The following GPRC5B variants were observed in gnomAD, a reference collection of about 807,000 sequenced individuals.
The protein encoded by GPRC5B is G protein-coupled receptor family C group 5 member B.
Under a neutral mutation model 30.1 loss-of-function variants are expected in GPRC5B, and 16 were observed. The ratio of observed to expected loss-of-function variants is 0.53; its 90% CI spans 0.36 to 0.81. The LOEUF (loss-of-function observed/expected upper bound fraction) is 0.81. Among genes scored for constraint, GPRC5B ranks in the 30% least tolerant of loss-of-function variants. The pLI, the probability that GPRC5B is intolerant of heterozygous loss-of-function variation, is 0.01. For missense variants in GPRC5B, 428 were observed against 544.7 expected, an observed-to-expected ratio of 0.79 and a Z score of 2.13; for synonymous variants, 241 against 239.5, an observed-to-expected ratio of 1.01 and a Z score of -0.06.
intron 2 of GPRC5B, among the ~76,000 whole-genome samples, chr16:19,865,281 C>A (rs1456661153): frequency 6.6e-6 from 1 of 152,216 alleles, no homozygotes; most frequent in Admixed American, 6.5e-5. Context: ...TCTGACAACA[C>A]CCAAGGTTGC....
chr16:19,879,767 G>A (rs534121547), intron 1 of GPRC5B, among the ~76,000 whole-genome samples: 11 of 152,120 alleles, frequency 7.2e-5, no homozygotes, highest in Non-Finnish European at 1.2e-4. Context: ...ATGGGGTTGC[G>A]GTGACGGTTA....
At chr16:19,884,596 C>T (rs2056836509) in intron 1 of GPRC5B, 131 bp downstream of exon 1, 2 of 659,848 alleles carry the variant, frequency 3.0e-6, no homozygotes, top group Admixed American at 6.4e-5. Context: ...CAATAAACTC[C>T]CTGGCTTGGG....
At chr16:19,879,009 C>T (rs2056782421) in intron 1 of GPRC5B, among the ~76,000 whole-genome samples, 1 of 152,110 alleles carries the variant, frequency 6.6e-6, no homozygotes, top group African/African-American at 2.4e-5. Flanking sequence ...GCAGCGAGAG[C>T]CGGAACTCAG....
At chr16:19,868,073 C>T (rs1350685934) in intron 2 of GPRC5B, among the ~76,000 whole-genome samples, 1 of 150,206 alleles carries the variant, frequency 6.7e-6, no homozygotes, top group Non-Finnish European at 1.5e-5. Flanking sequence ...TCTAGAAAAA[C>T]AAAACAAAAC....
rs1268166198 is a variant in GPRC5B at position 19,871,955 on chromosome 16, C to T, written c.891G>A (p.Leu297=). 1 of 1,614,062 alleles carries T rather than the reference C, an allele frequency of 6.2e-7. No individual in the cohort carries two copies. ...TGGGCGTGTTCTCCTGCAGGGCTGG[C>T]AGAAGGGTGCAGTGGATCTCAGGGA... ...HAIPEIHCTL[L]PALQENTPNY... is the part of the protein sequence containing the mutation. The change falls in exon 2 of 4, where the codon CTG becomes CTA. Residue 297 remains leucine, a synonymous_variant. Transcript: ENST00000300571.
intron 2 of GPRC5B, among the ~76,000 whole-genome samples, chr16:19,865,238 G>C (rs28501284): frequency 0.025 from 3,790 of 152,070 alleles, 135 homozygotes; most frequent in African/African-American, 0.087. Context: ...CACACATTTG[G>C]GATGATTCAA....
In GPRC5B at chr16:19,858,232, C is replaced by A. The variant is rs1315250793; in HGVS notation, c.*2268G>T. 2 of 364,182 alleles carry A rather than the reference C, an allele frequency of 5.5e-6. No homozygotes were observed. Among genetic ancestry groups the A allele is most frequent in the Middle Eastern group, 1.4e-3 (2 of 1,454 alleles). The allele number at this position is 364,182 out of a possible 1,614,324, so 22.6% of individuals were successfully genotyped here. Reference sequence around the variant, plus strand: ...TCCCTTCTCCTCTCACTCCCGCCTCCGCCCCCATTATGAAGGCGTTCAGCC... The same window carrying A: ...TCCCTTCTCCTCTCACTCCCGCCTCAGCCCCCATTATGAAGGCGTTCAGCC... On this transcript the variant is annotated 3_prime_UTR_variant, in exon 4 of 4. Transcript: ENST00000300571.
Position 19,871,816 on chromosome 16 carries a change from C to G in GPRC5B, c.1030G>C (p.Ala344Pro), listed in dbSNP as rs1189848608. The G allele has an allele frequency of 1.6e-5, 26 of 1,610,376 alleles. No homozygotes were observed. The highest frequency in any genetic ancestry group is 2.0e-5 in the Non-Finnish European group (24 of 1,177,120). ...CCCAGCCGGGTGGTGCCCACTTTAC[C>G]TGCATTGTGTTCATCCATGGAGAAG... is the stretch of plus-strand genomic sequence containing the variant. ...KAFSMDEHNA[A>P]LRTAGFPNGS... The change falls in exon 2 of 4, where the codon GCT becomes CCT. Residue 344 changes from alanine to proline, a missense_variant and splice_region_variant. Around this residue, in one of 3 missense-constraint regions of GPRC5B, gnomAD observed 213 missense variants for 229.1 expected, o/e 0.93. Coordinates refer to ENST00000300571, the MANE Select transcript of GPRC5B (RefSeq NM_016235.3).
At chr16:19,876,745 T>A (rs1037257109) in intron 1 of GPRC5B, among the ~76,000 whole-genome samples, 5 of 152,232 alleles carry the variant, frequency 3.3e-5, no homozygotes. Context: ...GGGAAATAGA[T>A]ACACTCTTGC....
upstream of GPRC5B, chr16:19,885,197 A>T: frequency 7.8e-7 from 1 of 1,287,526 alleles, no homozygotes; most frequent in Non-Finnish European, 1.0e-6. This position sits in a 1 kb window ranked among gnomAD's most constrained non-coding sequence, Gnocchi z 5.3. Flanking sequence ...TAGCCAATAC[A>T]CTTACCGAGG....
At chr16:19,868,278 G>T (rs533722705) in intron 2 of GPRC5B, among the ~76,000 whole-genome samples, 2 of 152,124 alleles carry the variant, frequency 1.3e-5, no homozygotes, top group South Asian at 4.2e-4. Flanking sequence ...GGAGGCAGGG[G>T]CAGGAGAATT....
intron 1 of GPRC5B, among the ~76,000 whole-genome samples, chr16:19,874,293 C>G (rs1597631219): frequency 6.6e-6 from 1 of 152,160 alleles, no homozygotes; most frequent in East Asian, 1.9e-4. Flanking sequence ...TCTTGCCCCT[C>G]TGCTCCCTCT....
At chr16:19,881,029 G>C (rs1339495854) in intron 1 of GPRC5B, 1 of 152,232 alleles carries the variant, frequency 6.6e-6, no homozygotes, top group Non-Finnish European at 1.5e-5. Context: ...ATGAGCAGGT[G>C]GGGTGGGAGT....
upstream of GPRC5B, chr16:19,885,227 G>T: frequency 3.1e-6 from 4 of 1,288,642 alleles, no homozygotes; most frequent in Non-Finnish European, 4.0e-6. The surrounding 1 kb of genome is among the most constrained non-coding windows in gnomAD (Gnocchi z 5.3). Context: ...CGACCCAGGG[G>T]TCCCAGCGCG....
In GPRC5B at chr16:19,857,398, AG is replaced by A. The variant is rs1451830563; in HGVS notation, c.*3101del. The A allele has an allele frequency of 4.7e-6, 2 of 426,892 alleles. No individual in the cohort carries two copies. The highest frequency in any genetic ancestry group is 4.2e-5 in the African/African-American group (2 of 47,800). 26.4% of individuals were successfully genotyped at this position (426,892 alleles called of 1,614,324 possible). On this transcript the variant is annotated 3_prime_UTR_variant, in exon 4 of 4. Coordinates refer to ENST00000300571, the MANE Select transcript of GPRC5B (RefSeq NM_016235.3). The stretch of plus-strand genomic sequence containing the variant: ...CCTTTTAAATTTGTAATATTTATAT[AG>A]TCGTTTATGGTACATATTGATTGTC...
At chr16:19,878,226 A>G (rs577349528) in intron 1 of GPRC5B, among the ~76,000 whole-genome samples, 4 of 149,494 alleles carry the variant, frequency 2.7e-5, no homozygotes, top group Non-Finnish European at 5.9e-5. Context: ...CAAACAAACA[A>G]AAAAACCCAA....
At chr16:19,884,542 G>T (rs891560076) in intron 1 of GPRC5B, among the ~76,000 whole-genome samples, 185 bp downstream of exon 1, 2 of 108,906 alleles carry the variant, frequency 1.8e-5, no homozygotes, top group African/African-American at 7.2e-5. Flanking sequence ...CTCTGCTCTC[G>T]TCGCACCGTG....
intron 2 of GPRC5B, among the ~76,000 whole-genome samples, chr16:19,867,253 G>C: frequency 6.6e-6 from 1 of 152,190 alleles, no homozygotes; most frequent in East Asian, 1.9e-4. Context: ...GCGGGCTCTG[G>C]AGCTATCCCG....
chr16:19,875,368 A>G (rs1020454527), intron 1 of GPRC5B, among the ~76,000 whole-genome samples: 1 of 152,260 alleles, frequency 6.6e-6, no homozygotes, highest in Non-Finnish European at 1.5e-5. Flanking sequence ...ACGTGCCACC[A>G]CAGCTACTTA....
Sources: allele counts gnomAD v4.1 joint callset (sites outside exome capture counted in the v4.1 genomes callset), GRCh38; gene constraint gnomAD v4.1.1; regional missense constraint gnomAD v4.1.1; non-coding constraint Gnocchi (gnomAD v3.1); transcripts MANE v1.5; gene names NCBI Gene and HGNC (gene_info 2026-07-23, HGNC 2026-07-21).